ADAMTS7: variants seen among roughly 807,000 people sequenced by gnomAD.
The protein encoded by ADAMTS7 is ADAM metallopeptidase with thrombospondin type 1 motif 7.
In ADAMTS7, 89 loss-of-function variants were observed where a neutral mutation model predicts 172.6. That is an observed-to-expected ratio of 0.52 (90% CI 0.43 to 0.61). The LOEUF (loss-of-function observed/expected upper bound fraction) is 0.61, where lower values mean the gene tolerates loss of function less well. Among genes scored for constraint, ADAMTS7 ranks in the 20% least tolerant of loss-of-function variants. The pLI, the probability that ADAMTS7 is intolerant of heterozygous loss-of-function variation, is 0.00. For synonymous variants in ADAMTS7, 885 were observed against 978.4 expected, an observed-to-expected ratio of 0.90 and a Z score of 1.78; for missense variants, 1,973 against 2,355.6, an observed-to-expected ratio of 0.84 and a Z score of 3.36.
chr15:78,786,556 C>T (rs1196637934), intron 8 of ADAMTS7, among the ~76,000 whole-genome samples: 1 of 152,162 alleles, frequency 6.6e-6, no homozygotes, highest in Non-Finnish European at 1.5e-5. Flanking sequence ...CCCATGTTAA[C>T]ACCCCTGTAT....
At chr15:78,786,771 T>C (rs2055508006) in intron 8 of ADAMTS7, among the ~76,000 whole-genome samples, 1 of 152,136 alleles carries the variant, frequency 6.6e-6, no homozygotes, top group Non-Finnish European at 1.5e-5. Flanking sequence ...AAAGACGAAT[T>C]GTATAATTTC....
At chr15:78,779,006 C>A (rs1488501228) in intron 8 of ADAMTS7, among the ~76,000 whole-genome samples, 7 of 152,120 alleles carry the variant, frequency 4.6e-5, no homozygotes, top group Non-Finnish European at 1.0e-4. Flanking sequence ...GAGGAGGGGG[C>A]CTGGCAGCTT....
rs148218299 is a variant in ADAMTS7, at chr15:78,777,563, C to A, written c.1348G>T (p.Asp450Tyr). Reference protein sequence around the residue: ...LDRGWGLCLDDPPAKDIIDFP... With the variant: ...LDRGWGLCLDYPPAKDIIDFP... Reference sequence around the variant, plus strand: ...TCGATAATGTCCTTGGCAGGAGGGTCGTCCAGGCACAGGCCCCACCCACGG... The same window carrying A: ...TCGATAATGTCCTTGGCAGGAGGGTAGTCCAGGCACAGGCCCCACCCACGG... The change falls in exon 9 of 24, where the codon GAC becomes TAC. Residue 450 changes from aspartate (D) to tyrosine (Y), a missense_variant. Asp to Tyr is a radical substitution (Grantham distance 160). Coordinates refer to ENST00000388820, the MANE Select transcript of ADAMTS7 (RefSeq NM_014272.5). 1.2e-6 allele frequency: 2 copies of A among 1,606,820 alleles called. No individual in the cohort carries two copies. The highest frequency in any genetic ancestry group is 1.7e-6 in the Non-Finnish European group (2 of 1,176,920).
At chr15:78,763,472 C>G (rs1473555992) in intron 22 of ADAMTS7, among the ~76,000 whole-genome samples, 1 of 152,368 alleles carries the variant, frequency 6.6e-6, no homozygotes, top group East Asian at 1.9e-4. Flanking sequence ...GGTCTCAACC[C>G]CAGACCCCTC....
Position 78,771,207 on chromosome 15 carries a change from A to C in ADAMTS7, c.2473T>G (p.Trp825Gly). 1 of 1,611,828 alleles carries C rather than the reference A, an allele frequency of 6.2e-7. No homozygotes were observed. ...CACTTGGTCCAGGGCCCATAATGCC[A>C]GGAGAACACGGGCGGCGGGACCTCG... ...HDEVPPPVFS[W>G]HYGPWTKCTV... Residue 825 changes from tryptophan to glycine, a missense_variant, in exon 16 of 24, where the codon TGG (tryptophan) becomes GGG (glycine). Physicochemically the swap from Trp to Gly is radical, Grantham distance 184 (BLOSUM62 -2). Coordinates refer to ENST00000388820, the MANE Select transcript of ADAMTS7 (RefSeq NM_014272.5). This position sits in a 1 kb window ranked among gnomAD's most constrained non-coding sequence, Gnocchi z 4.9.
intron 1 of ADAMTS7, among the ~76,000 whole-genome samples, chr15:78,807,696 TAAC>T (rs35162865): frequency 0.3 from 45,546 of 152,048 alleles, 8,689 homozygotes; most frequent in Non-Finnish European, 0.44. Context: ...TAAGTGCTTA[TAAC>T]AACAGCTGGC....
chr15:78,788,257 G>A lies in ADAMTS7; in HGVS notation c.1296C>T (p.Ser432=). The A allele has an allele frequency of 6.2e-7, 1 of 1,613,786 alleles. No individual in the cohort carries two copies. The highest frequency in any genetic ancestry group is 8.5e-7 in the Non-Finnish European group (1 of 1,179,998). ...DAAPLTWSRC[S]RQYITRFLDR... ...CAAGGAACCTGGTGATATACTGGCG[G>A]CTGCAGCGGGACCAGGTGAGGGGAG... The change falls in exon 8 of 24, where the codon AGC becomes AGT. Residue 432 remains serine, a synonymous_variant. Coordinates refer to ENST00000388820, the MANE Select transcript of ADAMTS7 (RefSeq NM_014272.5).
chr15:78,768,859 C>T (rs1176828217), intron 16 of ADAMTS7, among the ~76,000 whole-genome samples: 1 of 151,984 alleles, frequency 6.6e-6, no homozygotes, highest in Non-Finnish European at 1.5e-5. Flanking sequence ...GAGGGGTGAC[C>T]GGGGCTGGGG....
Position 78,773,268 on chromosome 15 carries a change from G to A in ADAMTS7, c.2011-65C>T, listed in dbSNP as rs2055283807. On this transcript the variant is annotated intron_variant, in intron 13 of 23. Coordinates refer to ENST00000388820, the MANE Select transcript of ADAMTS7 (RefSeq NM_014272.5). ...CCAGCCCTCTGTGGCCCCAGCCCCGGGGCCAGCCAGAGTCAGGAGAAGAAA... is the reference window on the plus strand; with the variant it reads ...CCAGCCCTCTGTGGCCCCAGCCCCGAGGCCAGCCAGAGTCAGGAGAAGAAA... The A allele has an allele frequency of 1.5e-5, 20 of 1,369,938 alleles. 4 individuals carry two copies. Among genetic ancestry groups the A allele is most frequent in the East Asian group, 2.4e-5 (1 of 42,296 alleles). The allele number at this position is 1,369,938 out of a possible 1,614,324, so 84.9% of individuals were successfully genotyped here.
chr15:78,762,171 G>C (rs1241307411), intron 23 of ADAMTS7: 2 of 828,438 alleles, frequency 2.4e-6, no homozygotes, highest in African/African-American at 3.7e-5. Context: ...TCAGACAGCT[G>C]CCTATGGGAT....
Position 78,800,261 on chromosome 15 carries a change from G to A in ADAMTS7, c.387C>T (p.His129=), listed in dbSNP as rs4288964. 521,107 of 1,594,052 alleles carry A rather than the reference G, an allele frequency of 0.33. 88,118 individuals are homozygous for A. The highest frequency in any genetic ancestry group is 0.5 in the African/African-American group (37,537 of 74,528). Residue 129 remains histidine (H), a synonymous_variant, in exon 2 of 24, where the codon CAC becomes CAT. Coordinates refer to ENST00000388820, the MANE Select transcript of ADAMTS7 (RefSeq NM_014272.5). ...CAGGGTCCTGCACCTCGCCAAGCAG[G>A]TGGCAGGCCGGGGTGTGGGCCCGGA... ...AHIRAHTPAC[H]LLGEVQDPEL...
intron 13 of ADAMTS7, among the ~76,000 whole-genome samples, chr15:78,773,890 G>A (rs545893295): frequency 6.6e-6 from 1 of 152,340 alleles, no homozygotes; most frequent in South Asian, 2.1e-4. Flanking sequence ...CAGGCATCCA[G>A]GGAGACGCAG....
In ADAMTS7 at chr15:78,811,282, C is replaced by A; in HGVS notation, c.-62G>T. 3.3e-6 allele frequency: 4 copies of A among 1,219,980 alleles called. No homozygotes were observed. In the South Asian group the frequency reaches 1.3e-4, roughly 38 times the overall value. The allele number at this position is 1,219,980 out of a possible 1,614,324, so 75.6% of individuals were successfully genotyped here. A position where few individuals can be genotyped will look rare whatever the true frequency, so the allele number is the denominator to read the frequency against. On this transcript the variant is annotated 5_prime_UTR_variant, in exon 1 of 24. Coordinates refer to ENST00000388820, the MANE Select transcript of ADAMTS7 (RefSeq NM_014272.5). ...CACGCTCTCGTCCGTCCCGTCCGGT[C>A]GCTGCCTGGTCCCAGGTCCGGCTCA...
At chr15:78,801,005 T>C (rs1469777122) in intron 1 of ADAMTS7, among the ~76,000 whole-genome samples, 6 of 152,192 alleles carry the variant, frequency 3.9e-5, no homozygotes, top group African/African-American at 1.4e-4. Flanking sequence ...CCTCCCAAAG[T>C]GCTGCAATTA....
intron 5 of ADAMTS7, 139 bp downstream of exon 5, chr15:78,791,001 A>G: frequency 1.6e-6 from 2 of 1,219,980 alleles, no homozygotes; most frequent in Non-Finnish European, 1.2e-6. Context: ...GTCAGGAACC[A>G]GGGGGTGGCA....
intron 11 of ADAMTS7, among the ~76,000 whole-genome samples, chr15:78,775,387 G>T (rs1330025980): frequency 6.6e-6 from 1 of 152,180 alleles, no homozygotes; most frequent in Admixed American, 6.5e-5. Flanking sequence ...AGGAGGCAGG[G>T]AGGGGCACAG....
At chr15:78,765,545 G>C in intron 19 of ADAMTS7, 100 bp downstream of exon 19, 2 of 1,558,260 alleles carry the variant, frequency 1.3e-6, no homozygotes, top group East Asian at 2.2e-5. Flanking sequence ...AGAGAGGCTA[G>C]ACAGACGGCG....
chr15:78,778,232 C>T (rs2055380583), intron 8 of ADAMTS7, among the ~76,000 whole-genome samples: 3 of 152,252 alleles, frequency 2.0e-5, no homozygotes, highest in South Asian at 4.1e-4. Context: ...CAAGCAGGCG[C>T]CATCTGTGTC....
chr15:78,804,581 C>T (rs935457978), intron 1 of ADAMTS7, among the ~76,000 whole-genome samples: 1 of 152,216 alleles, frequency 6.6e-6, no homozygotes, highest in Non-Finnish European at 1.5e-5. Flanking sequence ...ACCAAACTTG[C>T]CCTCCAGTCT....
Sources: allele counts gnomAD v4.1 joint callset (sites outside exome capture counted in the v4.1 genomes callset), GRCh38; gene constraint gnomAD v4.1.1; non-coding constraint Gnocchi (gnomAD v3.1); transcripts MANE v1.5; gene names NCBI Gene and HGNC (gene_info 2026-07-23, HGNC 2026-07-21).